The following C3orf49 variants were observed in gnomAD, a reference collection of about 807,000 sequenced individuals.
C3orf49 encodes chromosome 3 open reading frame 49, also known as putative uncharacterized protein C3orf49.
In C3orf49, 27 loss-of-function variants were observed where a neutral mutation model predicts 13.3. The ratio of observed to expected loss-of-function variants is 2.02; its 90% CI spans 1.49 to 2.79. The LOEUF is 2.79. C3orf49 is among the 30% of genes most tolerant of loss of function. The probability of loss-of-function intolerance (pLI) is 0.00; values close to 1 mark genes in which losing one functional copy is unlikely to be tolerated. For synonymous variants in C3orf49, 87 were observed against 47.6 expected (o/e 1.83, Z -3.40); for missense variants, 242 against 134.2 (o/e 1.80, Z -3.97).
chr3:63,845,351 T>A (rs1464555832), intron 6 of C3orf49, among the ~76,000 whole-genome samples: 1 of 152,142 alleles, frequency 6.6e-6, no homozygotes, highest in Non-Finnish European at 1.5e-5. Context: ...TTGTTTCGGC[T>A]CCCACTCTGG....
At chr3:63,783,065 A>G in the C3orf49 span, 1 of 152,200 alleles carries the variant, frequency 6.6e-6, no homozygotes, top group African/African-American at 2.4e-5. Flanking sequence ...GTTCATATCC[A>G]TAAAGTATGA....
At chr3:63,834,210 G>C (rs748224623) in intron 5 of C3orf49, 4 of 1,613,630 alleles carry the variant, frequency 2.5e-6, no homozygotes, top group Non-Finnish European at 3.4e-6. Context: ...CTGTAATTGA[G>C]AAGGAAACAT....
At chr3:63,825,695 C>T (rs377555527) in intron 2 of C3orf49, among the ~76,000 whole-genome samples, 1 of 152,220 alleles carries the variant, frequency 6.6e-6, no homozygotes, top group East Asian at 1.9e-4. Context: ...ACCTTCAAAA[C>T]ATGTTTTTAT....
At chr3:63,808,698 T>C in the C3orf49 span, among the ~76,000 whole-genome samples, 1 of 152,238 alleles carries the variant, frequency 6.6e-6, no homozygotes, top group East Asian at 1.9e-4. Context: ...CAAGCTTTTA[T>C]TGAATGGTAA....
chr3:63,838,216 G>T (rs984407017), intron 5 of C3orf49: 25 of 898,420 alleles, frequency 2.8e-5, no homozygotes, highest in Non-Finnish European at 3.6e-5. Context: ...TATCATCTTA[G>T]AATACACATT....
chr3:63,796,733 C>A, the C3orf49 span, among the ~76,000 whole-genome samples: 20 of 152,130 alleles, frequency 1.3e-4, no homozygotes, highest in South Asian at 4.1e-4. Flanking sequence ...CACTTACGCA[C>A]TTGATATAAT....
chr3:63,795,593 A>T, the C3orf49 span, among the ~76,000 whole-genome samples: 1 of 152,088 alleles, frequency 6.6e-6, no homozygotes, highest in African/African-American at 2.4e-5. Flanking sequence ...TCATTTGCTC[A>T]ATCGTCCTCT....
chr3:63,819,425 A>C lies in C3orf49; in HGVS notation c.-47A>C, dbSNP rs565288861. ...TTTTGTATTGAAGTCTGTAAGTTCA[A>C]GAACTAAAACAATCCAAAACGGCTA... On this transcript the variant is annotated 5_prime_UTR_variant, in exon 1 of 7. Transcript: ENST00000295896. 2 of 694,926 alleles carry C rather than the reference A, an allele frequency of 2.9e-6. No homozygotes were observed. Among genetic ancestry groups the C allele is most frequent in the African/African-American group, 3.5e-5 (2 of 56,926 alleles). 43.0% of individuals were successfully genotyped at this position (694,926 alleles called of 1,614,324 possible).
the C3orf49 span, among the ~76,000 whole-genome samples, chr3:63,789,550 C>T: frequency 1.3e-5 from 2 of 152,054 alleles, no homozygotes; most frequent in African/African-American, 4.8e-5. Flanking sequence ...GTAGCTCACG[C>T]CTGTAATCCC....
chr3:63,819,201 T>C (rs1701364638), upstream of C3orf49, among the ~76,000 whole-genome samples: 1 of 152,156 alleles, frequency 6.6e-6, no homozygotes, highest in Non-Finnish European at 1.5e-5. Context: ...ATCTGTGAAG[T>C]GTTCCACAAA....
the C3orf49 span, among the ~76,000 whole-genome samples, chr3:63,805,525 C>G: frequency 6.6e-6 from 1 of 152,214 alleles, no homozygotes; most frequent in African/African-American, 2.4e-5. Context: ...AGACAAAGGA[C>G]TTTATTACTC....
intron 2 of C3orf49, chr3:63,826,736 C>T (rs550356057): frequency 1.3e-5 from 2 of 152,306 alleles, no homozygotes; most frequent in Admixed American, 1.3e-4. Flanking sequence ...AAATTGCAAA[C>T]ACCCTTTCCC....
the C3orf49 span, among the ~76,000 whole-genome samples, chr3:63,783,742 C>A: frequency 0.67 from 98,031 of 145,812 alleles, 32,180 homozygotes; most frequent in Non-Finnish European, 0.69. Flanking sequence ...TTAATTAATT[C>A]ATTAATTAAT....
the C3orf49 span, among the ~76,000 whole-genome samples, chr3:63,800,846 A>C: frequency 6.6e-6 from 1 of 152,090 alleles, no homozygotes; most frequent in African/African-American, 2.4e-5. Flanking sequence ...GAGATCCTTG[A>C]GTGTCTGAGG....
intron 5 of C3orf49, among the ~76,000 whole-genome samples, chr3:63,839,937 A>G (rs985800118): frequency 6.6e-6 from 1 of 152,156 alleles, no homozygotes; most frequent in Non-Finnish European, 1.5e-5. Context: ...AAAATGGTAA[A>G]TTTTATGTTA....
chr3:63,833,457 T>C (rs1417889681), intron 5 of C3orf49, among the ~76,000 whole-genome samples: 1 of 152,202 alleles, frequency 6.6e-6, no homozygotes, highest in Non-Finnish European at 1.5e-5. Context: ...TATCAATACA[T>C]CTTTTTCTAT....
intron 4 of C3orf49, among the ~76,000 whole-genome samples, 196 bp from the exon 5 acceptor site, chr3:63,831,484 A>C (rs992907959): frequency 2.0e-5 from 3 of 152,202 alleles, no homozygotes; most frequent in Non-Finnish European, 4.4e-5. Context: ...AGAAGAACTG[A>C]GATTGTCTTT....
chr3:63,817,755 T>A (rs1432311696), upstream of C3orf49, among the ~76,000 whole-genome samples: 1 of 152,158 alleles, frequency 6.6e-6, no homozygotes, highest in East Asian at 1.9e-4. Flanking sequence ...CAGCAGCAAG[T>A]GTTTCAGCCT....
chr3:63,823,935 G>A (rs1201796095), intron 2 of C3orf49, among the ~76,000 whole-genome samples: 2 of 151,976 alleles, frequency 1.3e-5, no homozygotes, highest in Non-Finnish European at 2.9e-5. Context: ...TGAGTAGCTC[G>A]AACTACAGGA....
Sources: gnomAD v4.1 joint callset for allele counts (sites outside exome capture counted in the v4.1 genomes callset) on GRCh38, gnomAD v4.1.1 for gene constraint, MANE v1.5 for transcripts, NCBI Gene and HGNC (gene_info 2026-07-23, HGNC 2026-07-21) for gene names.